Variants in MAP3K21 observed in about 807,000 individuals in gnomAD.
MAP3K21 encodes mitogen-activated protein kinase kinase kinase 21.
MAP3K21 carries 63 observed loss-of-function variants against 86.1 expected under a neutral mutation model. The observed-to-expected ratio is 0.73, with a 90% CI of 0.60 to 0.90. The LOEUF (loss-of-function observed/expected upper bound fraction) is 0.90, where lower values mean the gene tolerates loss of function less well. Ranked by LOEUF, MAP3K21 falls within the 40% of genes least tolerant of loss-of-function variation. The probability of loss-of-function intolerance (pLI) is 0.00; values close to 1 mark genes in which losing one functional copy is unlikely to be tolerated. For synonymous variants in MAP3K21, 558 were observed against 564.8 expected (o/e 0.99, Z 0.17); for missense variants, 1,220 against 1,367.7 (o/e 0.89, Z 1.70).
At chr1:233,339,800 T>C (rs1182948228) in intron 1 of MAP3K21, among the ~76,000 whole-genome samples, 4 of 152,102 alleles carry the variant, frequency 2.6e-5, no homozygotes, top group Non-Finnish European at 5.9e-5. Context: ...CTTCATTTCT[T>C]AATGTCCAGA....
rs1457075981 is a variant in MAP3K21 at position 233,328,687 on chromosome 1, A to C, written c.659A>C (p.Asp220Ala). ...CTGGCCGCTGCCAACGCCGCCCCGG[A>C]CCCGCGCGCGCCCGGCCCCCGCCGC... ...RALAAANAAPDPRAPGPRRAR... is the reference protein window; with the variant it reads ...RALAAANAAPAPRAPGPRRAR... Residue 220 changes from aspartate to alanine, a missense_variant, in exon 1 of 10, where the codon GAC (aspartate) becomes GCC (alanine). Physicochemically the swap from Asp to Ala is moderately radical, Grantham distance 126 (BLOSUM62 -2). Coordinates refer to ENST00000366624, the MANE Select transcript of MAP3K21 (RefSeq NM_032435.3). This position sits in a 1 kb window ranked among gnomAD's most constrained non-coding sequence, Gnocchi z 8.7. 4 of 1,354,288 alleles carry C rather than the reference A, an allele frequency of 3.0e-6. No homozygotes were observed. The highest frequency in any genetic ancestry group is 3.2e-5 in the East Asian group (1 of 31,562). The allele number at this position is 1,354,288 out of a possible 1,614,324, so 83.9% of individuals were successfully genotyped here.
chr1:233,363,872 G>A (rs2102759681), intron 5 of MAP3K21, among the ~76,000 whole-genome samples: 1 of 150,598 alleles, frequency 6.6e-6, no homozygotes, highest in South Asian at 2.1e-4. Context: ...AAATTAGCTG[G>A]GCACGGGGGC....
At chr1:233,380,233 A>T (rs543782865) in intron 9 of MAP3K21, among the ~76,000 whole-genome samples, 1 of 152,342 alleles carries the variant, frequency 6.6e-6, no homozygotes, top group Non-Finnish European at 1.5e-5. Context: ...GCTGGAAGTC[A>T]GATCAAGGTG....
chr1:233,379,976 C>T (rs41310545), intron 9 of MAP3K21, among the ~76,000 whole-genome samples: 31,465 of 152,112 alleles, frequency 0.21, 3,517 homozygotes, highest in East Asian at 0.32. Flanking sequence ...AACCACCCAG[C>T]CCCCTCACGT....
Position 233,352,939 on chromosome 1 carries a change from C to T in MAP3K21, c.987-868C>T, listed in dbSNP as rs567885794. ...ATAAATATATACAATGCAGAAGACT[C>T]GTGCCTATGTCCCTGTGTACTAAAT... is the stretch of plus-strand genomic sequence containing the variant. On this transcript the variant is annotated intron_variant, in intron 2 of 9. Transcript: ENST00000366624. Among the ~76,000 whole-genome samples the T allele has an allele frequency of 1.1e-4, 16 of 152,302 alleles. No homozygotes were observed. In the South Asian group the frequency reaches 2.1e-3, roughly 20 times the overall value.
intron 5 of MAP3K21, among the ~76,000 whole-genome samples, chr1:233,363,781 C>T (rs916121374): frequency 2.7e-5 from 4 of 148,720 alleles, no homozygotes; most frequent in South Asian, 2.1e-4. Context: ...CTGAAGTGGA[C>T]GGGTTGCCTG....
intron 1 of MAP3K21, among the ~76,000 whole-genome samples, chr1:233,344,900 C>T (rs999972231): frequency 6.6e-6 from 1 of 151,462 alleles, no homozygotes; most frequent in Non-Finnish European, 1.5e-5. Flanking sequence ...AACCAAACAA[C>T]CCCATCAAAA....
At chr1:233,379,770 C>T in intron 9 of MAP3K21, 60 bp downstream of exon 9, 6 of 1,238,318 alleles carry the variant, frequency 4.8e-6, no homozygotes, top group Non-Finnish European at 4.6e-6. Context: ...GTATGTGAAA[C>T]AGTATGGATT....
chr1:233,335,236 T>C (rs1662890301), intron 1 of MAP3K21, among the ~76,000 whole-genome samples: 1 of 152,166 alleles, frequency 6.6e-6, no homozygotes, highest in African/African-American at 2.4e-5. Flanking sequence ...AGAGCTGTGA[T>C]GGCTTTATTT....
At position 233,362,376 on chromosome 1, in the gene MAP3K21, A is replaced by C. The variant is rs941261113; in HGVS notation, c.1552+83A>C. The C allele has an allele frequency of 1.2e-5, 17 of 1,456,688 alleles. 1 individual carries two copies. The highest frequency in any genetic ancestry group is 3.7e-5 in the South Asian group (3 of 80,282). 90.2% of individuals were successfully genotyped at this position (1,456,688 alleles called of 1,614,324 possible). ...TTTCTTTGTTCATCAGAACCAGGAA[A>C]GAGATAGGGAAGTAACTTTGTAAAA... is the stretch of plus-strand genomic sequence containing the variant. On this transcript the variant is annotated intron_variant, in intron 5 of 9. Coordinates refer to ENST00000366624, the MANE Select transcript of MAP3K21 (RefSeq NM_032435.3).
At chr1:233,352,076 C>A (rs567924407) in intron 2 of MAP3K21, among the ~76,000 whole-genome samples, 5 of 151,982 alleles carry the variant, frequency 3.3e-5, no homozygotes, top group African/African-American at 9.7e-5. Flanking sequence ...TTTTTAGAGA[C>A]GAGTTTTACC....
At position 233,353,941 on chromosome 1, in the gene MAP3K21, C is replaced by A; in HGVS notation, c.1121C>A (p.Ala374Asp). The A allele has an allele frequency of 1.9e-6, 3 of 1,604,340 alleles. No individual in the cohort carries two copies. The highest frequency in any genetic ancestry group is 2.6e-6 in the Non-Finnish European group (3 of 1,175,826). ...PIPSTCPEPF[A>D]KLMKECWQQD... ...CCATCCACCTGCCCTGAGCCGTTTG[C>A]CAAGCTCATGAAAGGTATTGTGTGT... is the stretch of plus-strand genomic sequence containing the variant. The change falls in exon 3 of 10, where the codon GCC becomes GAC. Residue 374 changes from alanine to aspartate, a missense_variant. Around this residue, in one of 5 missense-constraint regions of MAP3K21, gnomAD observed 126 missense variants for 127.7 expected, o/e 0.99. Transcript: ENST00000366624.
Position 233,339,351 on chromosome 1 carries a change from C to G in MAP3K21, c.806-7091C>G, listed in dbSNP as rs534655999. 5.4e-5 allele frequency among the ~76,000 whole-genome samples: 4 copies of G among 73,856 alleles called. 1 individual carries two copies. Among genetic ancestry groups the G allele is most frequent in the African/African-American group, 2.1e-4 (4 of 19,462 alleles). The allele number at this position is 73,856 out of a possible 152,430, so 48.5% of individuals were successfully genotyped here. Reference sequence around the variant, plus strand: ...TCTTCCTCTTCTTCTCCCTCTTCTCCCTCTTCTCCTTCTCCTCCTTCTCCT... The same window carrying G: ...TCTTCCTCTTCTTCTCCCTCTTCTCGCTCTTCTCCTTCTCCTCCTTCTCCT... On this transcript the variant is annotated intron_variant, in intron 1 of 9. Transcript: ENST00000366624.
At chr1:233,353,343 T>A (rs1206397760) in intron 2 of MAP3K21, among the ~76,000 whole-genome samples, 1 of 152,140 alleles carries the variant, frequency 6.6e-6, no homozygotes, top group Non-Finnish European at 1.5e-5. Context: ...AAATAGTTAA[T>A]CAACATGATT....
Position 233,354,849 on chromosome 1 carries a change from A to C in MAP3K21, c.1149A>C (p.Gln383His). ...FAKLMKECWQ[Q>H]DPHIRPSFAL... ...TGTTTATTTTAGAATGCTGGCAACAAGACCCTCATATTCGTCCATCGTTTG... is the reference window on the plus strand; with the variant it reads ...TGTTTATTTTAGAATGCTGGCAACACGACCCTCATATTCGTCCATCGTTTG... Residue 383 changes from glutamine to histidine, a missense_variant, in exon 4 of 10, where the codon CAA becomes CAC. Physicochemically the swap from Gln to His is conservative, Grantham distance 24 (BLOSUM62 0). This residue lies in a region of MAP3K21 where 126 missense variants were observed against 127.7 expected (regional missense o/e 0.99). Transcript: ENST00000366624. The C allele has an allele frequency of 6.2e-7, 1 of 1,613,946 alleles. No individual in the cohort carries two copies. The highest frequency in any genetic ancestry group is 8.5e-7 in the Non-Finnish European group (1 of 1,179,946).
chr1:233,338,444 T>C (rs376068851), intron 1 of MAP3K21, among the ~76,000 whole-genome samples: 1 of 152,182 alleles, frequency 6.6e-6, no homozygotes, highest in Non-Finnish European at 1.5e-5. Context: ...AAATAAATAA[T>C]GTGTAGTATC....
rs1397208343 is a variant in MAP3K21 at position 233,339,375 on chromosome 1, CT to C, written c.806-7065del. On this transcript the variant is annotated intron_variant, in intron 1 of 9. Transcript: ENST00000366624. ...CCCTCTTCTCCTTCTCCTCCTTCTC[CT>C]TCTTCTCCTTCTTCTCCTCCTTCTC... Among the ~76,000 whole-genome samples, 310 of 40,126 alleles carry C rather than the reference CT, an allele frequency of 7.7e-3. 20 individuals carry two copies. Among genetic ancestry groups the C allele is most frequent in the Middle Eastern group, 0.024 (2 of 82 alleles). 26.3% of individuals were successfully genotyped at this position (40,126 alleles called of 152,430 possible). A position where few individuals can be genotyped will look rare whatever the true frequency, so the allele number is the denominator to read the frequency against.
chr1:233,329,640 T>C (rs571816796), intron 1 of MAP3K21, among the ~76,000 whole-genome samples: 229 of 151,170 alleles, frequency 1.5e-3, no homozygotes, highest in African/African-American at 5.4e-3. Context: ...GGAGATAGAG[T>C]GAGACTCTGT....
chr1:233,371,781 GTGTA>G (rs970650111), intron 5 of MAP3K21, among the ~76,000 whole-genome samples: 2 of 147,364 alleles, frequency 1.4e-5, no homozygotes, highest in African/African-American at 2.6e-5. Flanking sequence ...GTGTGTGTGT[GTGTA>G]TGTGTGTGAC....
Sources: gnomAD v4.1 joint callset for allele counts (sites outside exome capture counted in the v4.1 genomes callset) on GRCh38, gnomAD v4.1.1 for gene constraint, gnomAD v4.1.1 regional missense constraint, Gnocchi (gnomAD v3.1) non-coding constraint, MANE v1.5 for transcripts, NCBI Gene and HGNC (gene_info 2026-07-23, HGNC 2026-07-21) for gene names.